ABTB3: variants seen among roughly 807,000 people sequenced by gnomAD.
The protein encoded by ABTB3 is ankyrin repeat and BTB domain containing 3, also known as ankyrin repeat- and BTB/POZ domain-containing protein 3.
the ABTB3 span, chr12:107,319,773 C>G: frequency 6.8e-7 from 1 of 1,465,698 alleles, no homozygotes; most frequent in African/African-American, 1.5e-5. Context: ...AGCTCGGGCC[C>G]TGGTGCGGCC....
At chr12:107,319,333 G>T in the ABTB3 span, 1 of 1,548,824 alleles carries the variant, frequency 6.5e-7, no homozygotes. Flanking sequence ...CGCTGGCCAA[G>T]CTGTCGACGC....
the ABTB3 span, among the ~76,000 whole-genome samples, chr12:107,630,285 A>AGAAT: frequency 9.2e-5 from 14 of 152,272 alleles, no homozygotes; most frequent in Admixed American, 2.6e-4. Context: ...AAATATTTGG[A>AGAAT]GAATGAATGA....
chr12:107,501,839 G>A, the ABTB3 span, among the ~76,000 whole-genome samples: 1 of 152,168 alleles, frequency 6.6e-6, no homozygotes, highest in Non-Finnish European at 1.5e-5. Flanking sequence ...TGAATCATTT[G>A]GTTTTGTCTT....
At chr12:107,422,699 G>A in the ABTB3 span, among the ~76,000 whole-genome samples, 2 of 152,220 alleles carry the variant, frequency 1.3e-5, no homozygotes, top group East Asian at 3.8e-4. Flanking sequence ...AACTTCTTAT[G>A]CCTCTTTTGT....
the ABTB3 span, among the ~76,000 whole-genome samples, chr12:107,347,177 T>C: frequency 6.6e-6 from 1 of 152,226 alleles, no homozygotes; most frequent in Non-Finnish European, 1.5e-5. Flanking sequence ...TCCTCCTAAC[T>C]TGGGGAATAT....
chr12:107,653,313 G>A, the ABTB3 span, among the ~76,000 whole-genome samples: 6 of 152,064 alleles, frequency 3.9e-5, no homozygotes, highest in Non-Finnish European at 8.8e-5. Flanking sequence ...TCAGGAGATC[G>A]AGACCATCCT....
chr12:107,352,675 T>C, the ABTB3 span, among the ~76,000 whole-genome samples: 14 of 152,130 alleles, frequency 9.2e-5, no homozygotes, highest in Non-Finnish European at 2.9e-5. Flanking sequence ...GTGCTATCCT[T>C]GATATCAGGA....
chr12:107,635,673 C>T, the ABTB3 span, among the ~76,000 whole-genome samples: 2 of 152,122 alleles, frequency 1.3e-5, no homozygotes, highest in Non-Finnish European at 1.5e-5. Flanking sequence ...TACACATCCC[C>T]CACACAGGTG....
At chr12:107,486,256 C>G in the ABTB3 span, among the ~76,000 whole-genome samples, 1 of 152,112 alleles carries the variant, frequency 6.6e-6, no homozygotes, top group Non-Finnish European at 1.5e-5. Flanking sequence ...ATGTTCAGAC[C>G]TAGTTCTGTG....
chr12:107,562,184 T>C, the ABTB3 span, among the ~76,000 whole-genome samples: 1 of 152,158 alleles, frequency 6.6e-6, no homozygotes, highest in Non-Finnish European at 1.5e-5. Flanking sequence ...ACAGGCAAAA[T>C]ATCTGCCTTT....
chr12:107,370,668 G>A, the ABTB3 span, among the ~76,000 whole-genome samples: 12 of 152,104 alleles, frequency 7.9e-5, no homozygotes, highest in Middle Eastern at 3.4e-3. Context: ...TGGGGCTGCT[G>A]AGCCTGTGCT....
the ABTB3 span, among the ~76,000 whole-genome samples, chr12:107,624,756 T>C: frequency 2.6e-5 from 4 of 152,222 alleles, no homozygotes; most frequent in African/African-American, 9.6e-5. Flanking sequence ...CGGAGTTGTT[T>C]CCAGTTTTAG....
the ABTB3 span, among the ~76,000 whole-genome samples, chr12:107,470,982 G>T: frequency 3.9e-5 from 6 of 152,172 alleles, no homozygotes; most frequent in African/African-American, 1.4e-4. Flanking sequence ...TAGAGCAGTT[G>T]TTGTTGTCAG....
At chr12:107,545,484 A>G in the ABTB3 span, among the ~76,000 whole-genome samples, 2 of 151,910 alleles carry the variant, frequency 1.3e-5, no homozygotes, top group African/African-American at 2.4e-5. Flanking sequence ...GGCTCAAGCA[A>G]TCCTCCTGCC....
the ABTB3 span, among the ~76,000 whole-genome samples, chr12:107,436,641 C>T: frequency 6.6e-6 from 1 of 152,220 alleles, no homozygotes; most frequent in African/African-American, 2.4e-5. Flanking sequence ...CCAACACATT[C>T]AGGACTTAAA....
At chr12:107,446,151 A>G in the ABTB3 span, among the ~76,000 whole-genome samples, 7 of 152,054 alleles carry the variant, frequency 4.6e-5, no homozygotes, top group African/African-American at 1.7e-4. Flanking sequence ...GAGGCAGGGG[A>G]AACTGCTTCA....
chr12:107,381,904 G>A, the ABTB3 span, among the ~76,000 whole-genome samples: 5 of 152,162 alleles, frequency 3.3e-5, no homozygotes, highest in Admixed American at 6.5e-5. Context: ...TATGTAAATC[G>A]CAGAGATAGC....
the ABTB3 span, among the ~76,000 whole-genome samples, chr12:107,620,464 A>G: frequency 6.8e-6 from 1 of 147,986 alleles, no homozygotes; most frequent in Non-Finnish European, 1.5e-5. Context: ...CCCCAACAGC[A>G]TTATGAAACA....
At chr12:107,376,068 C>G in the ABTB3 span, among the ~76,000 whole-genome samples, 43,800 of 151,958 alleles carry the variant, frequency 0.29, 6,366 homozygotes, top group Admixed American at 0.31. Context: ...TTCCTTCTAC[C>G]AGGATGGTGT....
Sources: allele counts gnomAD v4.1 joint callset (sites outside exome capture counted in the v4.1 genomes callset), GRCh38; gene constraint gnomAD v4.1.1; transcripts MANE v1.5; gene names NCBI Gene and HGNC (gene_info 2026-07-23, HGNC 2026-07-21).